The following VPS13C variants were observed in gnomAD, a reference collection of about 807,000 sequenced individuals.
The protein encoded by VPS13C is intermembrane lipid transfer protein VPS13C.
Under a neutral mutation model 456.8 loss-of-function variants are expected in VPS13C, and 358 were observed. That is an observed-to-expected ratio of 0.78 (90% CI 0.72 to 0.86). The LOEUF is 0.86. Ranked by LOEUF, VPS13C falls within the 40% of genes least tolerant of loss-of-function variation. The pLI is 0.00. For missense variants in VPS13C, 4,818 were observed against 4,385.4 expected (o/e 1.10, Z -2.79); for synonymous variants, 1,578 against 1,486.7 (o/e 1.06, Z -1.41).
chr15:61,927,340 G>T lies in VPS13C; in HGVS notation c.6287-20C>A, dbSNP rs1347562466. On this transcript the variant is annotated intron_variant, in intron 51 of 84. Transcript: ENST00000644861. ...AGTCATCTGAAGAAACAAGCAACAGGAACCAGAAAAGTTTAAGGTAAGTCT... is the reference window on the plus strand; with the variant it reads ...AGTCATCTGAAGAAACAAGCAACAGTAACCAGAAAAGTTTAAGGTAAGTCT... 1.9e-6 allele frequency: 3 copies of T among 1,599,986 alleles called. No individual in the cohort carries two copies. The African/African-American group carries it at 4.0e-5, about 22-fold the overall frequency.
intron 12 of VPS13C, among the ~76,000 whole-genome samples, 182 bp downstream of exon 12, chr15:62,011,925 T>C (rs1401805802): frequency 1.3e-5 from 2 of 151,948 alleles, no homozygotes; most frequent in Non-Finnish European, 2.9e-5. Flanking sequence ...TATTCTCCAG[T>C]GGTGTGTGTT....
intron 48 of VPS13C, 152 bp downstream of exon 48, chr15:61,936,445 T>A: frequency 4.6e-6 from 3 of 649,554 alleles, no homozygotes; most frequent in Non-Finnish European, 6.7e-6. Context: ...AGAACAGACA[T>A]ACCTCCCAGC....
In VPS13C at chr15:61,922,609, C is replaced by T. The variant is rs2043697383; in HGVS notation, c.6763G>A (p.Asp2255Asn). 1.2e-6 allele frequency: 2 copies of T among 1,614,018 alleles called. No homozygotes were observed. Among genetic ancestry groups the T allele is most frequent in the African/African-American group, 1.3e-5 (1 of 75,026 alleles). The change falls in exon 54 of 85, where the codon GAC (aspartate) becomes AAC (asparagine). Residue 2255 changes from aspartate (D) to asparagine (N), a missense_variant. Asp to Asn is a conservative substitution (Grantham distance 23). This residue lies in a region of VPS13C where 4,552 missense variants were observed against 4,130.6 expected (regional missense o/e 1.10). Transcript: ENST00000644861. ...CTTTCCGTTATTTCTGTTGCCGTGT[C>T]AACACCAAGAAACCAAGTGTTATAA... Reference protein sequence around the residue: ...NDYNTWFLGVDTATEITESFK... With the variant: ...NDYNTWFLGVNTATEITESFK...
At position 61,970,559 on chromosome 15, in the gene VPS13C, G is replaced by A. The variant is rs569974933; in HGVS notation, c.2758-1107C>T. On this transcript the variant is annotated intron_variant, in intron 27 of 84. Transcript: ENST00000644861. ...GCCTGTAATCCCAGCACTTTGGGAGGCCAAGGCAGGCGGATCACTTGAGCC... is the reference window on the plus strand; with the variant it reads ...GCCTGTAATCCCAGCACTTTGGGAGACCAAGGCAGGCGGATCACTTGAGCC... Among the ~76,000 whole-genome samples, 145 of 152,254 alleles carry A rather than the reference G, an allele frequency of 9.5e-4. No homozygotes were observed. The Middle Eastern group carries it at 0.01, about 11-fold the overall frequency.
At chr15:61,976,336 CATGA>C (rs1396594382) in intron 24 of VPS13C, among the ~76,000 whole-genome samples, 1 of 151,960 alleles carries the variant, frequency 6.6e-6, no homozygotes, top group African/African-American at 2.4e-5. Context: ...ATACATACAA[CATGA>C]ATGAATCTTA....
chr15:61,917,756 A>G lies in VPS13C; in HGVS notation c.7761-121T>C. On this transcript the variant is annotated intron_variant, in intron 59 of 84. Transcript: ENST00000644861. ...CTATTATTCCTGTTTTTACAGATAT[A>G]CAGATGAGGAAACCAGGGCTAAAAA... The G allele has an allele frequency of 7.0e-6, 8 of 1,137,550 alleles. 1 individual carries two copies. In the South Asian group the frequency reaches 1.1e-4, roughly 16 times the overall value. The allele number at this position is 1,137,550 out of a possible 1,614,324, so 70.5% of individuals were successfully genotyped here.
At chr15:62,047,260 C>CT (rs2048439551) in intron 1 of VPS13C, among the ~76,000 whole-genome samples, 1 of 150,992 alleles carries the variant, frequency 6.6e-6, no homozygotes, top group African/African-American at 2.4e-5. Context: ...CCCATCTCTA[C>CT]TAAAAAAAAA....
chr15:61,897,548 G>C (rs1202250912), intron 66 of VPS13C, among the ~76,000 whole-genome samples: 1 of 152,046 alleles, frequency 6.6e-6, no homozygotes, highest in African/African-American at 2.4e-5. Flanking sequence ...AGGAAGTTTA[G>C]AGAAAAAAGA....
rs921941470 is a variant in VPS13C, at chr15:61,940,724, T to C, written c.5524A>G (p.Ile1842Val). ...CATGCTGCTGCTAAGTTTCGCTGTA[T>C]GGACAAAAGCATGTTGACTGGTTTT... ...ILKPVNMLLS[I>V]QRNLAAAWYV... The change falls in exon 47 of 85, where the codon ATA (isoleucine) becomes GTA (valine). Residue 1842 changes from isoleucine (I) to valine (V), a missense_variant. This residue lies in a region of VPS13C where 4,552 missense variants were observed against 4,130.6 expected (regional missense o/e 1.10). Transcript: ENST00000644861. The C allele has an allele frequency of 1.2e-6, 2 of 1,613,918 alleles. No individual in the cohort carries two copies. Among genetic ancestry groups the C allele is most frequent in the Non-Finnish European group, 1.7e-6 (2 of 1,179,916 alleles).
At chr15:62,011,493 A>G (rs1263126250) in intron 12 of VPS13C, among the ~76,000 whole-genome samples, 3 of 152,080 alleles carry the variant, frequency 2.0e-5, no homozygotes, top group Non-Finnish European at 4.4e-5. Context: ...ACAACAGTGA[A>G]CCAGAGTAAT....
At chr15:61,878,366 C>T (rs1895608618) in intron 74 of VPS13C, among the ~76,000 whole-genome samples, 1 of 151,634 alleles carries the variant, frequency 6.6e-6, no homozygotes, top group Admixed American at 6.6e-5. Context: ...TATTATTCTA[C>T]ATCCATGTAT....
At chr15:61,919,620 A>G (rs2043584713) in intron 57 of VPS13C, among the ~76,000 whole-genome samples, 171 bp from the exon 58 acceptor site, 1 of 151,982 alleles carries the variant, frequency 6.6e-6, no homozygotes, top group Non-Finnish European at 1.5e-5. Context: ...AGTTACTGTT[A>G]TAAAATTTTT....
At chr15:61,968,429 A>G (rs1188014449) in intron 28 of VPS13C, among the ~76,000 whole-genome samples, 1 of 152,116 alleles carries the variant, frequency 6.6e-6, no homozygotes, top group African/African-American at 2.4e-5. Flanking sequence ...ATGAAAATAC[A>G]ATGCCATTTT....
At chr15:61,892,573 A>C (rs2042684457) in intron 66 of VPS13C, among the ~76,000 whole-genome samples, 1 of 152,222 alleles carries the variant, frequency 6.6e-6, no homozygotes, top group Non-Finnish European at 1.5e-5. Context: ...ATAATCCTTC[A>C]ATGTAAAGCC....
intron 9 of VPS13C, among the ~76,000 whole-genome samples, chr15:62,018,671 C>T (rs2047347072): frequency 6.6e-6 from 1 of 151,860 alleles, no homozygotes; most frequent in African/African-American, 2.4e-5. Flanking sequence ...TTTTGATGTG[C>T]TGCTGGATTC....
chr15:61,933,912 CTG>C (rs1387037295), intron 49 of VPS13C, among the ~76,000 whole-genome samples: 2 of 151,788 alleles, frequency 1.3e-5, no homozygotes, highest in Non-Finnish European at 2.9e-5. Flanking sequence ...TGTAATAAAA[CTG>C]TATATATAAT....
intron 19 of VPS13C, among the ~76,000 whole-genome samples, chr15:61,984,597 G>A (rs1488540872): frequency 6.6e-6 from 1 of 152,118 alleles, no homozygotes; most frequent in Non-Finnish European, 1.5e-5. Flanking sequence ...CTTGTCCACA[G>A]CTTTTACATT....
intron 7 of VPS13C, 123 bp from the exon 8 acceptor site, chr15:62,023,643 T>A (rs1482768022): frequency 1.8e-6 from 2 of 1,095,868 alleles, no homozygotes; most frequent in African/African-American, 3.2e-5. Flanking sequence ...TCTTTATTTA[T>A]ATTTTAATAT....
intron 13 of VPS13C, 150 bp downstream of exon 13, chr15:62,010,322 C>A (rs530587916): frequency 1.3e-6 from 1 of 761,838 alleles, no homozygotes; most frequent in Non-Finnish European, 1.8e-6. Context: ...ATTTGAAATT[C>A]ATTTTCTTTA....
Sources: gnomAD v4.1 joint callset for allele counts (sites outside exome capture counted in the v4.1 genomes callset) on GRCh38, gnomAD v4.1.1 for gene constraint, gnomAD v4.1.1 regional missense constraint, MANE v1.5 for transcripts, NCBI Gene and HGNC (gene_info 2026-07-23, HGNC 2026-07-21) for gene names.